FNDC3B: variants seen among roughly 807,000 people sequenced by gnomAD.
FNDC3B encodes fibronectin type III domain containing 3B.
Under a neutral mutation model 151.5 loss-of-function variants are expected in FNDC3B, and 12 were observed. The observed-to-expected ratio is 0.08, with a 90% CI of 0.05 to 0.13. FNDC3B has a LOEUF of 0.13. Ranked by LOEUF, FNDC3B falls within the 10% of genes least tolerant of loss-of-function variation. The pLI is 1.00. For missense variants in FNDC3B, 1,214 were observed against 1,505.3 expected (o/e 0.81, Z 3.20); for synonymous variants, 528 against 549.0 (o/e 0.96, Z 0.54).
intron 2 of FNDC3B, among the ~76,000 whole-genome samples, chr3:172,120,599 G>GT (rs139136799): frequency 1.1e-4 from 17 of 151,456 alleles, no homozygotes; most frequent in Non-Finnish European, 1.8e-4. Flanking sequence ...TTTTGTTTTT[G>GT]TTTTTTTACC....
intron 4 of FNDC3B, among the ~76,000 whole-genome samples, chr3:172,235,328 G>A (rs1727093775): frequency 6.6e-6 from 1 of 152,010 alleles, no homozygotes; most frequent in South Asian, 2.1e-4. Flanking sequence ...TATAAATCAG[G>A]GAAATACAAA....
intron 3 of FNDC3B, among the ~76,000 whole-genome samples, chr3:172,168,929 T>C (rs1723152109): frequency 7.9e-6 from 1 of 126,164 alleles, no homozygotes; most frequent in African/African-American, 3.0e-5. Flanking sequence ...GCCAGGCTGA[T>C]CTTGAACTCC....
At chr3:172,351,357 G>C (rs776263143) in intron 21 of FNDC3B, among the ~76,000 whole-genome samples, 3 of 152,174 alleles carry the variant, frequency 2.0e-5, no homozygotes, top group Non-Finnish European at 4.4e-5. Context: ...CCATGAGGAG[G>C]CAGCAAACTT....
intron 3 of FNDC3B, among the ~76,000 whole-genome samples, chr3:172,170,040 T>G (rs1017132274): frequency 2.9e-5 from 4 of 137,676 alleles, no homozygotes; most frequent in Admixed American, 7.2e-5. Flanking sequence ...CTCCTAACAT[T>G]CCAATCTATT....
chr3:172,356,862 T>C (rs1734121332), intron 22 of FNDC3B, among the ~76,000 whole-genome samples: 1 of 152,174 alleles, frequency 6.6e-6, no homozygotes, highest in African/African-American at 2.4e-5. Context: ...CCTCCTACCC[T>C]AGCCCTTTAC....
At chr3:172,211,467 A>G (rs554394200) in intron 3 of FNDC3B, among the ~76,000 whole-genome samples, 1 of 152,336 alleles carries the variant, frequency 6.6e-6, no homozygotes, top group East Asian at 1.9e-4. Context: ...ATGATAAAAT[A>G]TAATGTTTTT....
At chr3:172,110,359 T>C (rs983822821) in intron 1 of FNDC3B, among the ~76,000 whole-genome samples, 4 of 152,000 alleles carry the variant, frequency 2.6e-5, no homozygotes, top group African/African-American at 7.3e-5. Context: ...TTCAAAACTT[T>C]GGTTAGATGG....
At chr3:172,116,232 G>A (rs1720239098) in intron 2 of FNDC3B, among the ~76,000 whole-genome samples, 1 of 152,158 alleles carries the variant, frequency 6.6e-6, no homozygotes, top group African/African-American at 2.4e-5. Context: ...AACAGAAGCA[G>A]CTTACACAGT....
chr3:172,045,080 G>A (rs1272065353), intron 1 of FNDC3B, among the ~76,000 whole-genome samples: 1 of 152,148 alleles, frequency 6.6e-6, no homozygotes, highest in Non-Finnish European at 1.5e-5. Context: ...AGAAGTGTTT[G>A]GCAAAGCCTT....
intron 1 of FNDC3B, among the ~76,000 whole-genome samples, chr3:172,082,861 T>A (rs1576845889): frequency 1.3e-5 from 2 of 152,358 alleles, no homozygotes; most frequent in African/African-American, 4.8e-5. Flanking sequence ...TGTAGCTCTC[T>A]ACTCATTTAG....
chr3:172,238,520 A>G (rs980679102), intron 4 of FNDC3B, among the ~76,000 whole-genome samples: 1 of 152,170 alleles, frequency 6.6e-6, no homozygotes, highest in Non-Finnish European at 1.5e-5. Context: ...ACTTAGTACT[A>G]TAAAACTCTT....
At chr3:172,200,450 AT>A (rs1194613382) in intron 3 of FNDC3B, among the ~76,000 whole-genome samples, 1 of 152,236 alleles carries the variant, frequency 6.6e-6, no homozygotes. Flanking sequence ...TGTGATATGC[AT>A]TTGGCAAAAA....
intron 3 of FNDC3B, among the ~76,000 whole-genome samples, chr3:172,188,276 T>C (rs1430399220): frequency 6.6e-6 from 1 of 152,180 alleles, no homozygotes; most frequent in African/African-American, 2.4e-5. Flanking sequence ...ATTACAGGCA[T>C]AAGCCACTGT....
intron 3 of FNDC3B, among the ~76,000 whole-genome samples, chr3:172,143,908 A>AAAATAAAT (rs60080346): frequency 0.035 from 4,988 of 142,002 alleles, 96 homozygotes; most frequent in South Asian, 0.052. Context: ...CCTCCATCTC[A>AAAATAAAT]AAATAAATAA....
chr3:172,329,316 A>C, intron 12 of FNDC3B: 1 of 410,284 alleles, frequency 2.4e-6, no homozygotes, highest in African/African-American at 2.0e-5. Context: ...TCTAAGAACC[A>C]AGGTGAAGGT....
rs1276978968 is a variant in FNDC3B at position 172,179,249 on chromosome 3, A to AT, written c.187+45703_187+45704insT. On this transcript the variant is annotated intron_variant, in intron 3 of 25. Coordinates refer to ENST00000415807, the MANE Select transcript of FNDC3B (RefSeq NM_022763.4). Reference sequence around the variant, plus strand: ...GCTAATGTTTGTATTTTTAGTAGAGACGGGTTTTCACCATGTTGGCCAGGC... The same window carrying AT: ...GCTAATGTTTGTATTTTTAGTAGAGATCGGGTTTTCACCATGTTGGCCAGGC... 1.3e-4 allele frequency among the ~76,000 whole-genome samples: 6 copies of AT among 46,648 alleles called. No individual in the cohort carries two copies. The South Asian group carries it at 2.9e-3, about 22-fold the overall frequency. 30.6% of individuals were successfully genotyped at this position (46,648 alleles called of 152,430 possible). A position where few individuals can be genotyped will look rare whatever the true frequency, so the allele number is the denominator to read the frequency against.
intron 4 of FNDC3B, among the ~76,000 whole-genome samples, chr3:172,228,819 G>A (rs1726725690): frequency 6.6e-6 from 1 of 152,108 alleles, no homozygotes; most frequent in Non-Finnish European, 1.5e-5. Flanking sequence ...CAGAAGATGG[G>A]TGCAAAGTTA....
At chr3:172,177,595 G>A (rs1723661786) in intron 3 of FNDC3B, among the ~76,000 whole-genome samples, 1 of 138,382 alleles carries the variant, frequency 7.2e-6, no homozygotes, top group Non-Finnish European at 1.5e-5. Context: ...TTACCAAATA[G>A]CTCTGAGGAA....
chr3:172,261,959 G>T (rs955206600), intron 6 of FNDC3B, among the ~76,000 whole-genome samples: 7 of 152,166 alleles, frequency 4.6e-5, no homozygotes, highest in African/African-American at 1.7e-4. Context: ...ACCAGGTCAT[G>T]GTGGGGATGA....
Sources: allele counts gnomAD v4.1 joint callset (sites outside exome capture counted in the v4.1 genomes callset), GRCh38; gene constraint gnomAD v4.1.1; transcripts MANE v1.5; gene names NCBI Gene and HGNC (gene_info 2026-07-23, HGNC 2026-07-21).